DAPP1: variants seen among roughly 807,000 people sequenced by gnomAD.
DAPP1 encodes dual adapter for phosphotyrosine and 3-phosphotyrosine and 3-phosphoinositide.
A neutral mutation model predicts 41.5 loss-of-function variants in DAPP1; 20 were observed. The observed-to-expected ratio is 0.48, with a 90% CI of 0.34 to 0.70. The LOEUF is 0.70. Ranked by LOEUF, DAPP1 falls within the 30% of genes least tolerant of loss-of-function variation. DAPP1 has a pLI of 0.01. For missense variants in DAPP1, 233 were observed against 333.4 expected, an observed-to-expected ratio of 0.70 and a Z score of 2.35; for synonymous variants, 113 against 116.2, an observed-to-expected ratio of 0.97 and a Z score of 0.18.
intron 1 of DAPP1, among the ~76,000 whole-genome samples, chr4:99,821,785 C>T (rs1285996318): frequency 1.3e-5 from 2 of 152,154 alleles, no homozygotes; most frequent in Non-Finnish European, 2.9e-5. Context: ...AAAGAAAGTT[C>T]TGTGATTATA....
chr4:99,853,375 GCT>G (rs144829888), intron 4 of DAPP1, 27 bp downstream of exon 4: 151,299 of 1,590,372 alleles, frequency 0.095, 8,177 homozygotes, highest in Non-Finnish European at 0.11. Flanking sequence ...GTGACCACAA[GCT>G]CTCTCCCTGT....
intron 1 of DAPP1, among the ~76,000 whole-genome samples, chr4:99,822,507 G>T (rs1373613135): frequency 1.3e-5 from 2 of 152,164 alleles, no homozygotes; most frequent in Non-Finnish European, 2.9e-5. Flanking sequence ...ATTTTTGTCA[G>T]TTGAAGTTAG....
At chr4:99,846,957 A>C (rs754130761) in intron 3 of DAPP1, among the ~76,000 whole-genome samples, 16 of 152,254 alleles carry the variant, frequency 1.1e-4, no homozygotes, top group Admixed American at 2.6e-4. Flanking sequence ...ACCAACCCCA[A>C]GAAATCTACT....
chr4:99,863,292 C>T (rs1724306266), intron 6 of DAPP1, among the ~76,000 whole-genome samples: 1 of 152,092 alleles, frequency 6.6e-6, no homozygotes, highest in Non-Finnish European at 1.5e-5. Flanking sequence ...AACCATAGTT[C>T]CCCAGGGCAC....
intron 3 of DAPP1, among the ~76,000 whole-genome samples, chr4:99,845,978 TA>T (rs1371295746): frequency 6.6e-6 from 1 of 152,206 alleles, no homozygotes; most frequent in Admixed American, 6.5e-5. Flanking sequence ...CAGGAAGCAG[TA>T]CAAGCATTTG....
At chr4:99,836,674 A>T (rs1439619867) in intron 2 of DAPP1, among the ~76,000 whole-genome samples, 1 of 152,156 alleles carries the variant, frequency 6.6e-6, no homozygotes, top group Admixed American at 6.5e-5. Context: ...CACGGTCACT[A>T]CTGGTCACTA....
intron 3 of DAPP1, among the ~76,000 whole-genome samples, chr4:99,842,254 G>A (rs1248202516): frequency 6.6e-6 from 1 of 152,230 alleles, no homozygotes; most frequent in Non-Finnish European, 1.5e-5. Context: ...GACTTCTACA[G>A]TAGTTTCTCT....
intron 1 of DAPP1, among the ~76,000 whole-genome samples, chr4:99,822,946 C>T (rs1322567558): frequency 6.6e-6 from 1 of 152,160 alleles, no homozygotes; most frequent in Admixed American, 6.5e-5. Context: ...TATGGTCATG[C>T]TTCCCCTGAC....
intron 7 of DAPP1, 50 bp downstream of exon 7, chr4:99,863,905 C>T: frequency 1.6e-6 from 2 of 1,218,580 alleles, no homozygotes; most frequent in Non-Finnish European, 2.3e-6. Flanking sequence ...TTGCCAGACA[C>T]TTATTTTGGC....
intron 1 of DAPP1, among the ~76,000 whole-genome samples, chr4:99,829,410 G>T (rs1578348241): frequency 6.6e-6 from 1 of 151,068 alleles, no homozygotes. Context: ...AACCCGGGAG[G>T]TGGAGGTTGC....
At chr4:99,855,527 T>C (rs1014357015) in intron 4 of DAPP1, among the ~76,000 whole-genome samples, 4 of 152,198 alleles carry the variant, frequency 2.6e-5, no homozygotes, top group Non-Finnish European at 5.9e-5. Context: ...AATGGAGTTT[T>C]TAAAATAGTG....
At chr4:99,853,113 T>C in intron 3 of DAPP1, 105 bp from the exon 4 acceptor site, 1 of 1,349,252 alleles carries the variant, frequency 7.4e-7, no homozygotes, top group South Asian at 1.4e-5. Context: ...AGGGAATACA[T>C]GAAAAAAACA....
chr4:99,841,261 A>G (rs1639708316), intron 3 of DAPP1, among the ~76,000 whole-genome samples: 1 of 152,160 alleles, frequency 6.6e-6, no homozygotes, highest in African/African-American at 2.4e-5. Flanking sequence ...CTTTCTGTTA[A>G]CTTCAGTGTG....
intron 2 of DAPP1, among the ~76,000 whole-genome samples, chr4:99,837,833 T>C (rs1463806649): frequency 6.6e-6 from 1 of 152,096 alleles, no homozygotes; most frequent in Non-Finnish European, 1.5e-5. Context: ...GCCCTGAACT[T>C]GTTTTCCTGC....
chr4:99,855,868 G>A (rs1295088877), intron 4 of DAPP1, among the ~76,000 whole-genome samples: 1 of 152,200 alleles, frequency 6.6e-6, no homozygotes, highest in East Asian at 1.9e-4. Flanking sequence ...TTTTTGGGGT[G>A]TAGTTCTTGC....
intron 2 of DAPP1, among the ~76,000 whole-genome samples, chr4:99,839,233 C>T (rs1042709064): frequency 2.0e-5 from 3 of 151,894 alleles, no homozygotes; most frequent in Non-Finnish European, 4.4e-5. Flanking sequence ...TGGGTTCTCA[C>T]AAGCCCATCA....
intron 4 of DAPP1, among the ~76,000 whole-genome samples, chr4:99,854,005 T>A (rs551719047): frequency 1.2e-3 from 183 of 152,352 alleles, no homozygotes; most frequent in African/African-American, 4.2e-3. Flanking sequence ...TATATTTTTT[T>A]AAATATTTCA....
At chr4:99,824,217 G>A (rs1256306978) in intron 1 of DAPP1, among the ~76,000 whole-genome samples, 1 of 152,190 alleles carries the variant, frequency 6.6e-6, no homozygotes, top group Non-Finnish European at 1.5e-5. Flanking sequence ...AACTCCTTAG[G>A]AGCAGGACAG....
chr4:99,847,640 C>T (rs560596459), intron 3 of DAPP1, among the ~76,000 whole-genome samples: 1 of 152,266 alleles, frequency 6.6e-6, no homozygotes, highest in Admixed American at 6.5e-5. Flanking sequence ...TGCTCTGCTA[C>T]CCCTGCCTCC....
Sources: allele counts gnomAD v4.1 joint callset (sites outside exome capture counted in the v4.1 genomes callset), GRCh38; gene constraint gnomAD v4.1.1; transcripts MANE v1.5; gene names NCBI Gene and HGNC (gene_info 2026-07-23, HGNC 2026-07-21).